The following ABR variants were observed in gnomAD, a reference collection of about 807,000 sequenced individuals.
The protein encoded by ABR is ABR activator of RhoGEF and GTPase.
In ABR, 35 loss-of-function variants were observed where a neutral mutation model predicts 107.2. The observed-to-expected ratio is 0.33, with a 90% CI of 0.25 to 0.43. The LOEUF is 0.43. ABR is among the 20% of genes least tolerant of loss of function. ABR has a pLI of 1.00. For missense variants in ABR, 815 were observed against 1,115.2 expected (o/e 0.73, Z 3.83); for synonymous variants, 498 against 462.0 (o/e 1.08, Z -1.00).
At chr17:1,053,677 G>A (rs1403116957) in intron 14 of ABR, among the ~76,000 whole-genome samples, 3 of 152,150 alleles carry the variant, frequency 2.0e-5, no homozygotes, top group African/African-American at 7.2e-5. Flanking sequence ...TGGCGGCGGC[G>A]AAGGGAGTGA....
At chr17:1,223,487 T>C (rs185675191) in intron 1 of ABR, among the ~76,000 whole-genome samples, 54 of 152,288 alleles carry the variant, frequency 3.5e-4, no homozygotes, top group African/African-American at 1.2e-3. Context: ...GAAGCCAGAC[T>C]GCCTGGCTTC....
rs1401194159 is a variant in ABR at position 1,057,838 on chromosome 17, G to T, written c.1381+132C>A. 1.1e-5 allele frequency: 8 copies of T among 747,398 alleles called. No homozygotes were observed. The Admixed American group carries it at 1.5e-4, about 14-fold the overall frequency. 46.3% of individuals were successfully genotyped at this position (747,398 alleles called of 1,614,324 possible). A position where few individuals can be genotyped will look rare whatever the true frequency, so the allele number is the denominator to read the frequency against. On this transcript the variant is annotated intron_variant, in intron 12 of 22. Coordinates refer to ENST00000302538, the MANE Select transcript of ABR (RefSeq NM_021962.5). ...CAATTAATCCGTAACATCCTTAAACGCTCACCCTGGCACCTCTGAGGGTGA... is the reference window on the plus strand; with the variant it reads ...CAATTAATCCGTAACATCCTTAAACTCTCACCCTGGCACCTCTGAGGGTGA...
rs867556421 is a variant in ABR, at chr17:1,203,437, C to A, written c.838+25356G>T. Among the ~76,000 whole-genome samples the A allele has an allele frequency of 3.9e-3, 27 of 6,976 alleles. 4 individuals are homozygous for A. Among genetic ancestry groups the A allele is most frequent in the East Asian group, 0.023 (3 of 128 alleles). The allele number at this position is 6,976 out of a possible 152,430, so 4.6% of individuals were successfully genotyped here. A position where few individuals can be genotyped will look rare whatever the true frequency, so the allele number is the denominator to read the frequency against. Reference sequence around the variant, plus strand: ...TCTGCGGGGGCGGGGCCCGCGGGGACGGAGTCTGCGGGGGCGGGGCCCGCG... The same window carrying A: ...TCTGCGGGGGCGGGGCCCGCGGGGAAGGAGTCTGCGGGGGCGGGGCCCGCG... On this transcript the variant is annotated intron_variant, in intron 1 of 22. Transcript: ENST00000574139.
At chr17:1,033,929 G>A (rs948402229) in intron 16 of ABR, among the ~76,000 whole-genome samples, 1 of 150,024 alleles carries the variant, frequency 6.7e-6, no homozygotes, top group Non-Finnish European at 1.5e-5. Context: ...GGAAGGCTCT[G>A]CTCACTCCTC....
Position 1,056,245 on chromosome 17 carries a change from GAA to G in ABR, c.1487-138_1487-137del, listed in dbSNP as rs2033257832. ...CAACATCACCACCTGGTGGCCAGAT[GAA>G]AAAGTTTCCGAAGGCCACGGCGGCC... On this transcript the variant is annotated intron_variant, in intron 13 of 22. Transcript: ENST00000302538. The G allele has an allele frequency of 5.1e-6, 4 of 791,956 alleles. No individual in the cohort carries two copies. In the South Asian group the frequency reaches 6.1e-5, roughly 12 times the overall value. The allele number at this position is 791,956 out of a possible 1,614,324, so 49.1% of individuals were successfully genotyped here. A position where few individuals can be genotyped will look rare whatever the true frequency, so the allele number is the denominator to read the frequency against.
intron 4 of ABR, among the ~76,000 whole-genome samples, chr17:1,089,816 C>T (rs1451031632): frequency 1.3e-5 from 2 of 152,184 alleles, no homozygotes; most frequent in Admixed American, 6.5e-5. Flanking sequence ...AAAAATTAGC[C>T]GGGTGTGATG....
In ABR at chr17:1,037,975, G is replaced by A. The variant is rs550127386; in HGVS notation, c.1791+12075C>T. On this transcript the variant is annotated intron_variant, in intron 16 of 22. Transcript: ENST00000302538. This position sits in a 1 kb window ranked among gnomAD's most constrained non-coding sequence, Gnocchi z 4.6. ...GTGAGATTTCTTTTCTGCTGAGGAC[G>A]CACCCCTGCCGTTTTTTCCAAATGA... 9.2e-5 allele frequency among the ~76,000 whole-genome samples: 14 copies of A among 152,268 alleles called. No individual in the cohort carries two copies. In the South Asian group the frequency reaches 1.2e-3, roughly 14 times the overall value.
rs766043459 is a variant in ABR at position 1,083,544 on chromosome 17, G to A, written c.615C>T (p.Asn205=). 1.1e-5 allele frequency: 18 copies of A among 1,610,722 alleles called. No homozygotes were observed. Among genetic ancestry groups the A allele is most frequent in the Non-Finnish European group, 1.7e-6 (2 of 1,177,674 alleles). The stretch of plus-strand genomic sequence containing the variant: ...CCTCTGAGATCTTCTGGAACTGGTT[G>A]TTGGACTGGCTGCACTTCTCAGCTG... The part of the protein sequence containing the change: ...LETAEKCSQS[N]NQFQKISEEL... Residue 205 remains asparagine (N), a synonymous_variant, in exon 5 of 23, where the codon AAC becomes AAT. Transcript: ENST00000302538.
intron 18 of ABR, 153 bp from the exon 19 acceptor site, chr17:1,012,138 C>CA: frequency 8.1e-7 from 1 of 1,228,110 alleles, no homozygotes; most frequent in East Asian, 2.5e-5. Context: ...AAGAGGCCAC[C>CA]GCACCCCACC....
At chr17:1,138,221 C>A (rs773346455) in intron 1 of ABR, among the ~76,000 whole-genome samples, 1 of 151,810 alleles carries the variant, frequency 6.6e-6, no homozygotes, top group Non-Finnish European at 1.5e-5. Flanking sequence ...ACTTTTGCAC[C>A]AGCCTAAATA....
intron 1 of ABR, among the ~76,000 whole-genome samples, chr17:1,175,843 G>T (rs929391352): frequency 6.6e-6 from 1 of 152,186 alleles, no homozygotes; most frequent in Non-Finnish European, 1.5e-5. Context: ...TGTAATCCCA[G>T]CACTTTGGGA....
intron 1 of ABR, among the ~76,000 whole-genome samples, chr17:1,142,592 A>G (rs1238989470): frequency 6.6e-6 from 1 of 152,078 alleles, no homozygotes; most frequent in African/African-American, 2.4e-5. Flanking sequence ...TCTCAAAAAA[A>G]AAAAAAAAAT....
chr17:1,094,092 G>T (rs936161944), intron 3 of ABR, among the ~76,000 whole-genome samples: 1 of 151,832 alleles, frequency 6.6e-6, no homozygotes, highest in Non-Finnish European at 1.5e-5. Context: ...TAGAACCAAC[G>T]GCCCCTCTGC....
In ABR at chr17:1,010,734, C is replaced by T; in HGVS notation, c.2231G>A (p.Gly744Asp). ...AGGAGCCCTCAGGGCCTCACCGATG[C>T]CCTCCATGAAGGCTGGGTAGAGTCG... ...TDRLYPAFME[G>D]IALSDPAAKE... The change falls in exon 20 of 23, where the codon GGC becomes GAC. Residue 744 changes from glycine (G) to aspartate (D), a missense_variant. Around this residue, in one of 5 missense-constraint regions of ABR, gnomAD observed 175 missense variants for 284.3 expected, o/e 0.62. Coordinates refer to ENST00000302538, the MANE Select transcript of ABR (RefSeq NM_021962.5). The surrounding 1 kb of genome is among the most constrained non-coding windows in gnomAD (Gnocchi z 4.1). 1 of 1,613,534 alleles carries T rather than the reference C, an allele frequency of 6.2e-7. No homozygotes were observed. The highest frequency in any genetic ancestry group is 8.5e-7 in the Non-Finnish European group (1 of 1,179,972).
At chr17:1,177,364 C>T (rs1161047293) in intron 1 of ABR, among the ~76,000 whole-genome samples, 1 of 152,150 alleles carries the variant, frequency 6.6e-6, no homozygotes, top group Admixed American at 6.5e-5. Context: ...CACATCAGTG[C>T]CCCCTCCCAC....
At chr17:1,180,314 G>C (rs1007751892), upstream of ABR, among the ~76,000 whole-genome samples, 2 of 151,950 alleles carry the variant, frequency 1.3e-5, no homozygotes, top group Admixed American at 6.5e-5. Context: ...CCTCCCGCCC[G>C]GGATCTCCAA....
intron 1 of ABR, among the ~76,000 whole-genome samples, chr17:1,209,876 G>T (rs1598131370): frequency 6.6e-6 from 1 of 152,146 alleles, no homozygotes. Flanking sequence ...GGAAAAAGTT[G>T]CATTTATCAA....
At chr17:1,066,675 C>A (rs1393483037) in intron 10 of ABR, among the ~76,000 whole-genome samples, 1 of 151,928 alleles carries the variant, frequency 6.6e-6, no homozygotes, top group East Asian at 1.9e-4. Flanking sequence ...ATTACAGGTG[C>A]CCACCACCAC....
intron 6 of ABR, among the ~76,000 whole-genome samples, chr17:1,076,655 G>C (rs2035734537): frequency 6.8e-6 from 1 of 147,048 alleles, no homozygotes; most frequent in Admixed American, 7.0e-5. Flanking sequence ...CACCTCCAGA[G>C]TCCACCTGAG....
Sources: allele counts gnomAD v4.1 joint callset (sites outside exome capture counted in the v4.1 genomes callset), GRCh38; gene constraint gnomAD v4.1.1; regional missense constraint gnomAD v4.1.1; non-coding constraint Gnocchi (gnomAD v3.1); transcripts MANE v1.5; gene names NCBI Gene and HGNC (gene_info 2026-07-23, HGNC 2026-07-21).